Variants in CPVL observed in about 807,000 individuals in gnomAD.
CPVL encodes the protein probable serine carboxypeptidase CPVL.
CPVL carries 51 observed loss-of-function variants against 63.7 expected under a neutral mutation model. That is an observed-to-expected ratio of 0.80 (90% confidence interval 0.64 to 1.01). The LOEUF (loss-of-function observed/expected upper bound fraction) is 1.01. Ranked by LOEUF, CPVL falls within the 50% of genes least tolerant of loss-of-function variation. The pLI is 0.00. For synonymous variants in CPVL, 195 were observed against 206.0 expected, an observed-to-expected ratio of 0.95 and a Z score of 0.46; for missense variants, 530 against 573.1, an observed-to-expected ratio of 0.92 and a Z score of 0.77.
At chr7:29,186,089 T>G (rs1488943325) in intron 2 of CPVL, among the ~76,000 whole-genome samples, 1 of 152,062 alleles carries the variant, frequency 6.6e-6, no homozygotes, top group East Asian at 1.9e-4. Flanking sequence ...AGGATGGAGT[T>G]TTTGATTAGG....
intron 11 of CPVL, among the ~76,000 whole-genome samples, chr7:29,032,672 C>T (rs1788140728): frequency 6.6e-6 from 1 of 152,128 alleles, no homozygotes; most frequent in African/African-American, 2.4e-5. Flanking sequence ...TTCTAGAATT[C>T]AGTGTAAAAG....
chr7:29,081,721 T>C (rs539633350), intron 7 of CPVL, among the ~76,000 whole-genome samples: 1 of 152,368 alleles, frequency 6.6e-6, no homozygotes, highest in African/African-American at 2.4e-5. Context: ...GGCTGTATGC[T>C]TGGGAGTCAT....
intron 7 of CPVL, among the ~76,000 whole-genome samples, chr7:29,074,711 T>C (rs1342430509): frequency 6.6e-6 from 1 of 151,318 alleles, no homozygotes; most frequent in East Asian, 1.9e-4. Flanking sequence ...AAAGAGCCAG[T>C]TTCCCCTGCC....
chr7:29,149,060 C>G (rs1359210016), upstream of CPVL, among the ~76,000 whole-genome samples: 1 of 152,058 alleles, frequency 6.6e-6, no homozygotes. Context: ...CAGGCGTGTT[C>G]AGGGTGGGTC....
chr7:29,166,867 T>G (rs950545948), intron 5 of CPVL, among the ~76,000 whole-genome samples: 3 of 152,152 alleles, frequency 2.0e-5, no homozygotes, highest in Non-Finnish European at 2.9e-5. Context: ...CTTGAACATT[T>G]GAAACATATT....
chr7:29,015,333 C>T (rs956976438), intron 12 of CPVL, among the ~76,000 whole-genome samples: 27 of 152,060 alleles, frequency 1.8e-4, no homozygotes, highest in African/African-American at 6.3e-4. Context: ...ACCCAAATTG[C>T]TTGTCTAATG....
chr7:29,013,685 G>T (rs1237924409), intron 12 of CPVL, among the ~76,000 whole-genome samples: 1 of 152,230 alleles, frequency 6.6e-6, no homozygotes, highest in Non-Finnish European at 1.5e-5. Context: ...GGTGGCCTTT[G>T]TGGTAGACAT....
intron 11 of CPVL, among the ~76,000 whole-genome samples, chr7:29,031,512 C>T (rs1788020534): frequency 6.6e-6 from 1 of 152,062 alleles, no homozygotes; most frequent in African/African-American, 2.4e-5. Flanking sequence ...ATTCCCAATT[C>T]TGATAAAGTT....
chr7:29,121,736 G>A (rs1455795025), intron 1 of CPVL, among the ~76,000 whole-genome samples: 1 of 152,146 alleles, frequency 6.6e-6, no homozygotes, highest in East Asian at 1.9e-4. Flanking sequence ...GAGACCTCAG[G>A]CATCCATGCA....
chr7:29,183,914 TA>T (rs1584619477), intron 4 of CPVL, among the ~76,000 whole-genome samples: 3 of 151,918 alleles, frequency 2.0e-5, no homozygotes, highest in African/African-American at 2.4e-5. Context: ...ATGATACAAA[TA>T]AAAAACAATG....
At chr7:29,180,224 C>T (rs935553872) in intron 5 of CPVL, among the ~76,000 whole-genome samples, 2 of 152,214 alleles carry the variant, frequency 1.3e-5, no homozygotes, top group African/African-American at 4.8e-5. Flanking sequence ...AATGTGATAA[C>T]GTACCAATAG....
At chr7:29,042,203 T>C (rs1233353079) in intron 11 of CPVL, among the ~76,000 whole-genome samples, 1 of 152,150 alleles carries the variant, frequency 6.6e-6, no homozygotes, top group Non-Finnish European at 1.5e-5. Context: ...ATAATAGCTA[T>C]CATTACAGGG....
At chr7:29,120,537 C>T (rs547866128) in intron 2 of CPVL, among the ~76,000 whole-genome samples, 2 of 151,918 alleles carry the variant, frequency 1.3e-5, no homozygotes, top group South Asian at 2.1e-4. Flanking sequence ...TTAAGAAAAA[C>T]TATTGGCCAG....
intron 6 of CPVL, among the ~76,000 whole-genome samples, chr7:29,089,568 T>C (rs181925630): frequency 9.5e-4 from 144 of 152,236 alleles, no homozygotes; most frequent in African/African-American, 3.4e-3. Flanking sequence ...CCATAAGACA[T>C]GCCTATCAGT....
intron 7 of CPVL, among the ~76,000 whole-genome samples, chr7:29,076,604 C>G (rs1175022968): frequency 6.6e-6 from 1 of 152,106 alleles, no homozygotes; most frequent in Non-Finnish European, 1.5e-5. Context: ...CTTATTATTC[C>G]TTTCTAATAA....
intron 12 of CPVL, chr7:29,010,040 C>G (rs1410363215): frequency 6.6e-6 from 1 of 152,014 alleles, no homozygotes; most frequent in Non-Finnish European, 1.5e-5. Context: ...GAGATTGGCC[C>G]CATGTCTGAA....
chr7:29,112,416 T>C (rs1788333036), intron 3 of CPVL, among the ~76,000 whole-genome samples: 2 of 152,104 alleles, frequency 1.3e-5, no homozygotes, highest in South Asian at 4.2e-4. Context: ...AACAAAATGA[T>C]AGGAAGAAGA....
At chr7:29,143,555 T>A (rs147113205) in intron 1 of CPVL, among the ~76,000 whole-genome samples, 13 of 152,152 alleles carry the variant, frequency 8.5e-5, no homozygotes, top group African/African-American at 3.1e-4. Context: ...CAAAAAGATA[T>A]GTGGCACTAT....
intron 1 of CPVL, chr7:29,126,618 A>G (rs974488506): frequency 6.6e-6 from 1 of 152,196 alleles, no homozygotes; most frequent in Non-Finnish European, 1.5e-5. Flanking sequence ...ACAAACAAAC[A>G]AAGAGCAGGT....
Sources: gnomAD v4.1 joint callset for allele counts (sites outside exome capture counted in the v4.1 genomes callset) on GRCh38, gnomAD v4.1.1 for gene constraint, MANE v1.5 for transcripts, NCBI Gene and HGNC (gene_info 2026-07-23, HGNC 2026-07-21) for gene names.